INPP5D: variants seen among roughly 807,000 people sequenced by gnomAD.
INPP5D encodes the protein inositol polyphosphate-5-phosphatase D, also known as phosphatidylinositol 3,4,5-trisphosphate 5-phosphatase 1.
Under a neutral mutation model 122.9 loss-of-function variants are expected in INPP5D, and 33 were observed. That is an observed-to-expected ratio of 0.27 (90% CI 0.20 to 0.36). The LOEUF is 0.36. Ranked by LOEUF, INPP5D falls within the 10% of genes least tolerant of loss-of-function variation. The pLI is 1.00. For missense variants in INPP5D, 1,053 were observed against 1,412.7 expected (o/e 0.75, Z 4.08); for synonymous variants, 584 against 576.2 (o/e 1.01, Z -0.19).
At chr2:233,131,327 T>A (rs1315684720) in intron 5 of INPP5D, among the ~76,000 whole-genome samples, 1 of 138,464 alleles carries the variant, frequency 7.2e-6, no homozygotes, top group Non-Finnish European at 1.6e-5. Context: ...TGCCAAAAGC[T>A]TGGAAGAGAA....
chr2:233,062,646 C>T (rs748500471), intron 1 of INPP5D, among the ~76,000 whole-genome samples: 8 of 152,200 alleles, frequency 5.3e-5, no homozygotes, highest in African/African-American at 1.4e-4. Flanking sequence ...GCCGAAGCCT[C>T]GTCAGCCTCC....
In INPP5D at chr2:233,128,590, G is replaced by A. The variant is rs1470118924; in HGVS notation, c.525-1918G>A. On this transcript the variant is annotated intron_variant, in intron 4 of 26. Transcript: ENST00000445964. The surrounding 1 kb of genome is among the most constrained non-coding windows in gnomAD (Gnocchi z 4.5). ...CCTCCTGGGTTCAAGCAATCCTCCC[G>A]CCTCAGCCTCCTGAGTAGCTGGGAC... 3.9e-5 allele frequency among the ~76,000 whole-genome samples: 6 copies of A among 152,168 alleles called. No individual in the cohort carries two copies. In the East Asian group the frequency reaches 9.7e-4, roughly 25 times the overall value.
At chr2:233,179,771 G>T (rs1209278144) in intron 18 of INPP5D, among the ~76,000 whole-genome samples, 3 of 152,198 alleles carry the variant, frequency 2.0e-5, no homozygotes, top group Non-Finnish European at 4.4e-5. Flanking sequence ...GAAAAGAAAA[G>T]GGAGTGAATG....
intron 24 of INPP5D, among the ~76,000 whole-genome samples, chr2:233,196,057 G>A (rs1695175010): frequency 6.6e-6 from 1 of 152,208 alleles, no homozygotes; most frequent in Non-Finnish European, 1.5e-5. Context: ...CCAAAAGGCT[G>A]AGGCTGCAGT....
intron 1 of INPP5D, among the ~76,000 whole-genome samples, chr2:233,064,243 G>A (rs1248534806): frequency 1.3e-5 from 2 of 152,238 alleles, no homozygotes; most frequent in African/African-American, 2.4e-5. Flanking sequence ...CCAGAGAGAG[G>A]GGGCTTCCCT....
At chr2:233,185,715 A>G (rs58058620) in intron 20 of INPP5D, 128 bp from the exon 21 acceptor site, 1 of 42,318 alleles carries the variant, frequency 2.4e-5, no homozygotes, top group Non-Finnish European at 4.2e-5. Flanking sequence ...GCCCCGAGAT[A>G]AAAAAAAAAA....
At chr2:233,204,892 C>T in intron 26 of INPP5D, 175 bp downstream of exon 26, 1 of 1,101,190 alleles carries the variant, frequency 9.1e-7, no homozygotes, top group Non-Finnish European at 1.2e-6. Context: ...GGAACTGCTC[C>T]ATGAGAAGGG....
intron 23 of INPP5D, 44 bp downstream of exon 23, chr2:233,194,005 T>TTAGGGAC (rs761105267): frequency 1.4e-4 from 210 of 1,529,036 alleles, no homozygotes; most frequent in Admixed American, 4.4e-4. Flanking sequence ...AGCCCCCCAC[T>TTAGGGAC]TAGGGACGGG....
Position 233,060,589 on chromosome 2 carries a change from C to A in INPP5D, c.111C>A (p.Ser37=). 6.2e-7 allele frequency: 1 copy of A among 1,614,016 alleles called. No individual in the cohort carries two copies. Among genetic ancestry groups the A allele is most frequent in the South Asian group, 1.1e-5 (1 of 91,088 alleles). The change falls in exon 1 of 27, where the codon TCC becomes TCA. Residue 37 remains serine, a synonymous_variant. Coordinates refer to ENST00000445964, the MANE Select transcript of INPP5D (RefSeq NM_001017915.3). ...SFLVRASESI[S]RAYALCVLYR... is the part of the protein sequence containing the mutation. The stretch of plus-strand genomic sequence containing the variant: ...TCGTGCGTGCCAGCGAGTCCATCTC[C>A]CGGGCATACGCGCTCTGCGTGCTGT...
At position 233,144,399 on chromosome 2, in the gene INPP5D, TA is replaced by T. The variant is rs1297331905; in HGVS notation, c.754-1762del. On this transcript the variant is annotated intron_variant, in intron 6 of 26. Coordinates refer to ENST00000445964, the MANE Select transcript of INPP5D (RefSeq NM_001017915.3). ...GTGGTCATGATCACGGTGGGAGTGA[TA>T]GGGGTGGAGATGGTGGTAGTGATGG... Among the ~76,000 whole-genome samples the T allele has an allele frequency of 3.2e-4, 44 of 139,146 alleles. 1 individual carries two copies. In the South Asian group the frequency reaches 5.7e-3, roughly 18 times the overall value. 91.3% of individuals were successfully genotyped at this position (139,146 alleles called of 152,430 possible). A position where few individuals can be genotyped will look rare whatever the true frequency, so the allele number is the denominator to read the frequency against.
intron 2 of INPP5D, among the ~76,000 whole-genome samples, chr2:233,119,751 T>C (rs1275299564): frequency 6.6e-6 from 1 of 152,154 alleles, no homozygotes; most frequent in Non-Finnish European, 1.5e-5. Flanking sequence ...AAGAGGCGTA[T>C]GTGTCCTCAC....
rs780143535 is a variant in INPP5D at position 233,146,385 on chromosome 2, G to A, written c.853G>A (p.Glu285Lys). 10 of 704,294 alleles carry A rather than the reference G, an allele frequency of 1.4e-5. No homozygotes were observed. Among genetic ancestry groups the A allele is most frequent in the Non-Finnish European group, 1.8e-5 (7 of 385,012 alleles). 43.6% of individuals were successfully genotyped at this position (704,294 alleles called of 1,614,324 possible). A position where few individuals can be genotyped will look rare whatever the true frequency, so the allele number is the denominator to read the frequency against. ...IEDKVKALLH[E>K]GPESPHRPSL... is the part of the protein sequence containing the mutation. Reference sequence around the variant, plus strand: ...CCCACAGGTCAAGGCCTTGCTGCACGAGGGTCCTGAGTCTCCGCACCGGCC... The same window carrying A: ...CCCACAGGTCAAGGCCTTGCTGCACAAGGGTCCTGAGTCTCCGCACCGGCC... The change falls in exon 8 of 27, where the codon GAG becomes AAG. Residue 285 changes from glutamate to lysine, a missense_variant. Glu to Lys is a moderately conservative substitution (Grantham distance 56). Around this residue, in one of 6 missense-constraint regions of INPP5D, gnomAD observed 196 missense variants for 175.6 expected, o/e 1.12. Coordinates refer to ENST00000445964, the MANE Select transcript of INPP5D (RefSeq NM_001017915.3).
In INPP5D at chr2:233,177,133, A is replaced by G. The variant is rs376550391; in HGVS notation, c.1990-132A>G. 16 of 1,251,990 alleles carry G rather than the reference A, an allele frequency of 1.3e-5. No individual in the cohort carries two copies. Among genetic ancestry groups the G allele is most frequent in the African/African-American group, 7.5e-5 (5 of 66,248 alleles). The allele number at this position is 1,251,990 out of a possible 1,614,324, so 77.6% of individuals were successfully genotyped here. On this transcript the variant is annotated intron_variant, in intron 17 of 26. Transcript: ENST00000445964. The surrounding 1 kb of genome is among the most constrained non-coding windows in gnomAD (Gnocchi z 4.2). Reference sequence around the variant, plus strand: ...GTGAAAAAAGTTTAAAGCCACCTACAGGGAAATTCTATAAAAAGCCAACAG... The same window carrying G: ...GTGAAAAAAGTTTAAAGCCACCTACGGGGAAATTCTATAAAAAGCCAACAG...
intron 13 of INPP5D, among the ~76,000 whole-genome samples, chr2:233,165,251 G>GT (rs1694297577): frequency 6.6e-6 from 1 of 152,170 alleles, no homozygotes; most frequent in African/African-American, 2.4e-5. Context: ...CTATGAGTGT[G>GT]TGTCTATATG....
intron 2 of INPP5D, among the ~76,000 whole-genome samples, chr2:233,085,564 C>T (rs773779576): frequency 2.6e-5 from 4 of 151,894 alleles, no homozygotes; most frequent in Admixed American, 6.6e-5. Context: ...GCAATGTGTT[C>T]GGCTTGTTCA....
chr2:233,114,301 T>C (rs1036963407), intron 2 of INPP5D, among the ~76,000 whole-genome samples: 1 of 152,168 alleles, frequency 6.6e-6, no homozygotes, highest in African/African-American at 2.4e-5. Flanking sequence ...CCCCCACTTC[T>C]TCACCCACGT....
At chr2:233,199,217 A>G (rs12987778) in intron 25 of INPP5D, among the ~76,000 whole-genome samples, 24,283 of 117,224 alleles carry the variant, frequency 0.21, 2,062 homozygotes, top group Non-Finnish European at 0.24. Context: ...CAGCCTGGGC[A>G]ACAGAACGAG....
At chr2:233,107,217 G>C (rs533092071) in intron 2 of INPP5D, among the ~76,000 whole-genome samples, 1 of 152,286 alleles carries the variant, frequency 6.6e-6, no homozygotes, top group Non-Finnish European at 1.5e-5. Context: ...GCAGGGGGTA[G>C]GCAGGGACCC....
In INPP5D at chr2:233,122,158, G is replaced by A; in HGVS notation, c.250G>A (p.Glu84Lys). The part of the protein sequence containing the change: ...RFFTKLDQLI[E>K]FYKKENMGLV... ...CTTCACCAAGCTGGACCAGCTCATC[G>A]AGTTTTACAAGAAGGAAAACATGGG... Residue 84 changes from glutamate (E) to lysine (K), a missense_variant, in exon 3 of 27, where the codon GAG (glutamate) becomes AAG (lysine). Glu to Lys is a moderately conservative substitution (Grantham distance 56). Coordinates refer to ENST00000445964, the MANE Select transcript of INPP5D (RefSeq NM_001017915.3). 3.7e-6 allele frequency: 6 copies of A among 1,613,882 alleles called. No homozygotes were observed. Among genetic ancestry groups the A allele is most frequent in the Non-Finnish European group, 4.2e-6 (5 of 1,179,864 alleles).
Sources: gnomAD v4.1 joint callset for allele counts (sites outside exome capture counted in the v4.1 genomes callset) on GRCh38, gnomAD v4.1.1 for gene constraint, gnomAD v4.1.1 regional missense constraint, Gnocchi (gnomAD v3.1) non-coding constraint, MANE v1.5 for transcripts, NCBI Gene and HGNC (gene_info 2026-07-23, HGNC 2026-07-21) for gene names.